The following SOX6 variants were observed in gnomAD, a reference collection of about 807,000 sequenced individuals.
The protein encoded by SOX6 is transcription factor SOX-6.
In SOX6, 11 loss-of-function variants were observed where a neutral mutation model predicts 97.8. The ratio of observed to expected loss-of-function variants is 0.11; its 90% confidence interval spans 0.07 to 0.19. SOX6 has a LOEUF of 0.19. SOX6 is among the 10% of genes least tolerant of loss of function. The pLI, the probability that SOX6 is intolerant of heterozygous loss-of-function variation, is 1.00. For synonymous variants in SOX6, 360 were observed against 371.4 expected (o/e 0.97, Z 0.35); for missense variants, 810 against 1,039.5 (o/e 0.78, Z 3.04).
chr11:16,108,067 G>C (rs376429011), intron 7 of SOX6, among the ~76,000 whole-genome samples: 19 of 152,090 alleles, frequency 1.2e-4, no homozygotes, highest in East Asian at 5.8e-4. Flanking sequence ...AACAAATCGT[G>C]ACACATTTCT....
At chr11:16,207,311 G>T (rs193009956) in intron 4 of SOX6, among the ~76,000 whole-genome samples, 72 of 152,232 alleles carry the variant, frequency 4.7e-4, no homozygotes, top group Non-Finnish European at 8.2e-4. Flanking sequence ...CTGATGAAAA[G>T]AACAAATTCG....
chr11:16,714,357 C>T (rs971823401), intron 3 of SOX6, among the ~76,000 whole-genome samples: 1 of 151,774 alleles, frequency 6.6e-6, no homozygotes, highest in Non-Finnish European at 1.5e-5. Flanking sequence ...ATTGTTTTTC[C>T]CTCAGAAAAA....
At chr11:16,118,161 A>C (rs1315450969) in intron 6 of SOX6, among the ~76,000 whole-genome samples, 1 of 152,236 alleles carries the variant, frequency 6.6e-6, no homozygotes, top group Non-Finnish European at 1.5e-5. Flanking sequence ...CTGGGTATGT[A>C]ATTTGAATGA....
At chr11:16,716,312 G>A (rs564928974) in intron 2 of SOX6, among the ~76,000 whole-genome samples, 2 of 152,314 alleles carry the variant, frequency 1.3e-5, no homozygotes, top group African/African-American at 2.4e-5. Flanking sequence ...GGGAGGCTGA[G>A]GCCAGAGGAT....
chr11:16,491,363 T>G (rs1443295002), intron 4 of SOX6, among the ~76,000 whole-genome samples: 1 of 152,134 alleles, frequency 6.6e-6, no homozygotes, highest in Non-Finnish European at 1.5e-5. Context: ...ATGTAACATT[T>G]TTGAGAATAA....
upstream of SOX6, among the ~76,000 whole-genome samples, chr11:16,477,672 T>TA (rs1367674516): frequency 6.6e-6 from 1 of 152,158 alleles, no homozygotes; most frequent in Non-Finnish European, 1.5e-5. Flanking sequence ...GCAACATCTC[T>TA]AAAAAATCTC....
intron 1 of SOX6, among the ~76,000 whole-genome samples, chr11:16,468,625 T>C (rs1860085631): frequency 4.6e-5 from 7 of 152,304 alleles, no homozygotes; most frequent in Admixed American, 3.3e-4. Context: ...TTCCACATTA[T>C]AGTGAATACA....
chr11:16,494,043 T>C (rs1860554409), intron 4 of SOX6, among the ~76,000 whole-genome samples: 1 of 152,160 alleles, frequency 6.6e-6, no homozygotes, highest in African/African-American at 2.4e-5. Context: ...TTAAATATGT[T>C]ATAGTACACC....
chr11:16,517,685 A>C (rs910544320), intron 4 of SOX6, among the ~76,000 whole-genome samples: 1 of 152,196 alleles, frequency 6.6e-6, no homozygotes, highest in Admixed American at 6.5e-5. Flanking sequence ...CATCAGATAC[A>C]TGGGCATCAA....
intron 4 of SOX6, among the ~76,000 whole-genome samples, chr11:16,580,101 A>T (rs1848018783): frequency 6.6e-6 from 1 of 152,154 alleles, no homozygotes; most frequent in African/African-American, 2.4e-5. Flanking sequence ...AGCAGCACTG[A>T]TGAAAAGCAG....
intron 12 of SOX6, among the ~76,000 whole-genome samples, chr11:16,015,732 G>A (rs981741146): frequency 6.6e-6 from 1 of 151,920 alleles, no homozygotes; most frequent in African/African-American, 2.4e-5. Context: ...GCACCACAGT[G>A]AACACTCCCT....
chr11:16,375,265 T>C (rs1180021275), intron 1 of SOX6, among the ~76,000 whole-genome samples: 1 of 152,114 alleles, frequency 6.6e-6, no homozygotes, highest in Non-Finnish European at 1.5e-5. Flanking sequence ...AACAGAATAA[T>C]GACATCTTCT....
intron 4 of SOX6, among the ~76,000 whole-genome samples, chr11:16,486,128 T>C (rs141102204): frequency 6.6e-6 from 1 of 152,020 alleles, no homozygotes. Context: ...AGAATTACCA[T>C]GTGACTTAAT....
chr11:16,363,351 C>T (rs1228836678), intron 1 of SOX6, among the ~76,000 whole-genome samples: 2 of 152,104 alleles, frequency 1.3e-5, no homozygotes, highest in Non-Finnish European at 2.9e-5. Context: ...TGAGCTCTGA[C>T]ACAATGGTCA....
intron 4 of SOX6, among the ~76,000 whole-genome samples, chr11:16,191,004 A>G (rs1851615536): frequency 6.6e-6 from 1 of 152,222 alleles, no homozygotes; most frequent in Non-Finnish European, 1.5e-5. Flanking sequence ...TAAAAAAATT[A>G]AACATGAAAC....
At chr11:16,189,402 G>A (rs1403985525) in intron 4 of SOX6, among the ~76,000 whole-genome samples, 2 of 103,346 alleles carry the variant, frequency 1.9e-5, no homozygotes, top group African/African-American at 4.6e-5. Flanking sequence ...ATAGGCAAAG[G>A]TCATGTGTGT....
intron 7 of SOX6, among the ~76,000 whole-genome samples, chr11:16,104,373 T>C (rs1311907294): frequency 6.6e-6 from 1 of 152,032 alleles, no homozygotes; most frequent in African/African-American, 2.4e-5. Context: ...TCAGATTTTC[T>C]TAAGATCACA....
chr11:16,459,393 A>C (rs971161801), intron 1 of SOX6, among the ~76,000 whole-genome samples: 3 of 152,098 alleles, frequency 2.0e-5, no homozygotes, highest in African/African-American at 7.2e-5. Flanking sequence ...TGAGCACTTA[A>C]AATCGTGAAA....
chr11:16,491,161 T>C (rs957795090), intron 4 of SOX6, among the ~76,000 whole-genome samples: 1 of 152,176 alleles, frequency 6.6e-6, no homozygotes, highest in African/African-American at 2.4e-5. Context: ...GATGAAGAAT[T>C]ACTATTAACA....
Sources: allele counts gnomAD v4.1 joint callset (sites outside exome capture counted in the v4.1 genomes callset), GRCh38; gene constraint gnomAD v4.1.1; transcripts MANE v1.5; gene names NCBI Gene and HGNC (gene_info 2026-07-23, HGNC 2026-07-21).